SBNO1: variants seen among roughly 807,000 people sequenced by gnomAD.
SBNO1 encodes the protein strawberry notch homolog 1.
Under a neutral mutation model 173.6 loss-of-function variants are expected in SBNO1, and 23 were observed. The ratio of observed to expected loss-of-function variants is 0.13; its 90% CI spans 0.10 to 0.19. SBNO1 has a LOEUF of 0.19. Among genes scored for constraint, SBNO1 ranks in the 10% least tolerant of loss-of-function variants. The pLI is 1.00. For synonymous variants in SBNO1, 632 were observed against 571.5 expected (o/e 1.11, Z -1.51); for missense variants, 1,238 against 1,671.2 (o/e 0.74, Z 4.52).
chr12:123,329,557 TA>T lies in SBNO1; in HGVS notation c.1135-663del, dbSNP rs971468801. Among the ~76,000 whole-genome samples, 116 of 152,088 alleles carry T rather than the reference TA, an allele frequency of 7.6e-4. 4 individuals are homozygous for T. The Middle Eastern group carries it at 0.01, about 13-fold the overall frequency. On this transcript the variant is annotated intron_variant, in intron 9 of 31. Transcript: ENST00000602398. Reference sequence around the variant, plus strand: ...ATTTCTGATACATAAGAATTATGAGTAATTGTTAATGTGCCTTTCTAATACT... The same window carrying T: ...ATTTCTGATACATAAGAATTATGAGTATTGTTAATGTGCCTTTCTAATACT...
chr12:123,327,877 T>G lies in SBNO1; in HGVS notation c.1432+15A>C, dbSNP rs2138992132. ...ATAACCTACAATATATATTTTTAAA[T>G]AAATAAATACTCACCAGTTGCACTA... On this transcript the variant is annotated intron_variant, in intron 11 of 31. Coordinates refer to ENST00000602398, the MANE Select transcript of SBNO1 (RefSeq NM_001167856.3). 6.3e-7 allele frequency: 1 copy of G among 1,591,672 alleles called. No individual in the cohort carries two copies. The highest frequency in any genetic ancestry group is 2.3e-5 in the East Asian group (1 of 43,902).
intron 7 of SBNO1, among the ~76,000 whole-genome samples, chr12:123,333,597 G>C (rs2139013122): frequency 6.6e-6 from 1 of 151,988 alleles, no homozygotes; most frequent in African/African-American, 2.4e-5. Context: ...CCTGGGCTGA[G>C]GTGATTCCCC....
chr12:123,292,770 T>A lies in SBNO1; in HGVS notation c.*3138A>T, dbSNP rs1449998627. 6.6e-6 allele frequency: 1 copy of A among 152,212 alleles called. No individual in the cohort carries two copies. Among genetic ancestry groups the A allele is most frequent in the Non-Finnish European group, 1.5e-5 (1 of 68,042 alleles). 9.4% of individuals were successfully genotyped at this position (152,212 alleles called of 1,614,324 possible). On this transcript the variant is annotated 3_prime_UTR_variant, in exon 32 of 32. Transcript: ENST00000602398. The stretch of plus-strand genomic sequence containing the variant: ...AGGTTCTTACTAATTTATATACACA[T>A]GTAAAGAGAAGATACTGAAGTGTCT...
At chr12:123,348,967 A>G (rs1421379979) in intron 2 of SBNO1, 1 of 142,848 alleles carries the variant, frequency 7.0e-6, no homozygotes, top group Admixed American at 6.9e-5. Context: ...CTCAAGAAAA[A>G]AAAATTTTTT....
intron 10 of SBNO1, 135 bp from the exon 11 acceptor site, chr12:123,328,162 T>C (rs1870799996): frequency 3.3e-6 from 2 of 610,168 alleles, no homozygotes; most frequent in Middle Eastern, 4.7e-4. Context: ...AAGGAAGTCC[T>C]ATGGGCCTTT....
At chr12:123,306,824 A>T (rs926603996) in intron 28 of SBNO1, among the ~76,000 whole-genome samples, 1 of 152,004 alleles carries the variant, frequency 6.6e-6, no homozygotes, top group Non-Finnish European at 1.5e-5. Context: ...AGTATGCAAG[A>T]TGTTTATCTG....
At chr12:123,320,667 G>A (rs193250573) in intron 18 of SBNO1, 32 bp downstream of exon 18, 8 of 1,594,736 alleles carry the variant, frequency 5.0e-6, no homozygotes, top group African/African-American at 4.1e-5. Flanking sequence ...GTTTAAAACA[G>A]TATTTCAAAA....
intron 5 of SBNO1, among the ~76,000 whole-genome samples, chr12:123,338,999 A>G (rs11830103): frequency 0.27 from 40,732 of 150,978 alleles, 6,650 homozygotes; most frequent in African/African-American, 0.45. Flanking sequence ...AAGCCAATAA[A>G]AAACTTTTGG....
At chr12:123,330,573 A>T in intron 8 of SBNO1, 64 bp from the exon 9 acceptor site, 1 of 974,672 alleles carries the variant, frequency 1.0e-6, no homozygotes, top group Non-Finnish European at 1.5e-6. Context: ...TCAGGAATAA[A>T]ATTAATAAAG....
chr12:123,350,781 A>G (rs1295274949), intron 1 of SBNO1, among the ~76,000 whole-genome samples: 1 of 152,214 alleles, frequency 6.6e-6, no homozygotes, highest in Non-Finnish European at 1.5e-5. Context: ...GTGGACAAGG[A>G]TCCTCTCGAC....
Position 123,309,415 on chromosome 12 carries a change from C to G in SBNO1, c.3538-13G>C, listed in dbSNP as rs367950637. The G allele has an allele frequency of 2.2e-4, 359 of 1,611,294 alleles. No homozygotes were observed. Among genetic ancestry groups the G allele is most frequent in the Non-Finnish European group, 2.9e-4 (340 of 1,177,528 alleles). On this transcript the variant is annotated splice_polypyrimidine_tract_variant and intron_variant, in intron 27 of 31. Transcript: ENST00000602398. ...TCTCTACACTAATCTGTAAGAGAAA[C>G]AACGAAATTTAAACTCATTTCTGTA...
At chr12:123,323,659 T>C (rs764186842) in intron 16 of SBNO1, 21 bp downstream of exon 16, 1 of 1,574,794 alleles carries the variant, frequency 6.4e-7, no homozygotes, top group African/African-American at 1.4e-5. Flanking sequence ...TGGCCTATTT[T>C]TTCTTTTTTA....
chr12:123,339,265 CT>C (rs974348083), intron 5 of SBNO1, among the ~76,000 whole-genome samples: 14 of 152,048 alleles, frequency 9.2e-5, no homozygotes, highest in Admixed American at 2.0e-4. Flanking sequence ...ACAGTCATCT[CT>C]TTTTTTCCTT....
intron 28 of SBNO1, among the ~76,000 whole-genome samples, chr12:123,308,668 C>G (rs2048982575): frequency 2.0e-5 from 3 of 151,832 alleles, no homozygotes; most frequent in African/African-American, 7.3e-5. Context: ...CAGCAAGACT[C>G]AATCTCAAAA....
intron 10 of SBNO1, among the ~76,000 whole-genome samples, chr12:123,328,524 C>T (rs7297649): frequency 0.95 from 144,969 of 152,206 alleles, 69,166 homozygotes; most frequent in Non-Finnish European, 0.96. Flanking sequence ...TATCTATTAA[C>T]ATTTTTCTAA....
chr12:123,303,011 AAAGCCT>A, intron 29 of SBNO1, 111 bp from the exon 30 acceptor site: 1 of 798,610 alleles, frequency 1.3e-6, no homozygotes, highest in Non-Finnish European at 2.1e-6. Flanking sequence ...CTCTACACAA[AAAGCCT>A]AACCCTTGCT....
At chr12:123,310,991 A>T in intron 25 of SBNO1, 64 bp downstream of exon 25, 1 of 1,199,220 alleles carries the variant, frequency 8.3e-7, no homozygotes, top group South Asian at 1.2e-5. Flanking sequence ...TCAAAAGCAT[A>T]TATCATAATG....
rs1316822593 is a variant in SBNO1 at position 123,334,125 on chromosome 12, G to A, written c.837C>T (p.Ser279=). 1 of 1,606,282 alleles carries A rather than the reference G, an allele frequency of 6.2e-7. No individual in the cohort carries two copies. The highest frequency in any genetic ancestry group is 1.3e-5 in the African/African-American group (1 of 74,778). The change falls in exon 7 of 32, where the codon TCC becomes TCT. Residue 279 remains serine, a synonymous_variant. Coordinates refer to ENST00000602398, the MANE Select transcript of SBNO1 (RefSeq NM_001167856.3). ...CATTATCAATGGTTTCCTCAGAAAT[G>A]GATGTTTTGTACCAAACATCAGGAG... ...VTPPDVWYKT[S]ISEETIDNGW... is the part of the protein sequence containing the mutation.
chr12:123,328,469 C>CA (rs1326129996), intron 10 of SBNO1, among the ~76,000 whole-genome samples: 1 of 152,100 alleles, frequency 6.6e-6, no homozygotes, highest in Non-Finnish European at 1.5e-5. Flanking sequence ...TGTAAATATG[C>CA]AATGTTAATC....
Sources: gnomAD v4.1 joint callset for allele counts (sites outside exome capture counted in the v4.1 genomes callset) on GRCh38, gnomAD v4.1.1 for gene constraint, MANE v1.5 for transcripts, NCBI Gene and HGNC (gene_info 2026-07-23, HGNC 2026-07-21) for gene names.